BCL11B: variants seen among roughly 807,000 people sequenced by gnomAD.
The protein encoded by BCL11B is B-cell lymphoma/leukemia 11B.
Under a neutral mutation model 49.9 loss-of-function variants are expected in BCL11B, and 8 were observed. That is an observed-to-expected ratio of 0.16 (90% confidence interval 0.09 to 0.29). The LOEUF is 0.29. BCL11B is among the 10% of genes least tolerant of loss of function. BCL11B has a pLI of 1.00. For synonymous variants in BCL11B, 739 were observed against 637.4 expected, an observed-to-expected ratio of 1.16 and a Z score of -2.40; for missense variants, 1,006 against 1,351.0, an observed-to-expected ratio of 0.74 and a Z score of 4.00.
chr14:99,210,419 A>C (rs573416570), intron 3 of BCL11B, among the ~76,000 whole-genome samples: 139 of 152,174 alleles, frequency 9.1e-4, no homozygotes, highest in African/African-American at 3.2e-3. Context: ...CACAGTAAAC[A>C]GGAGGCACAG....
chr14:99,224,329 G>A (rs1426057209), intron 3 of BCL11B, among the ~76,000 whole-genome samples: 1 of 152,116 alleles, frequency 6.6e-6, no homozygotes, highest in East Asian at 1.9e-4. Flanking sequence ...TGGCCTCTCT[G>A]AGCCCCAATA....
chr14:99,194,604 C>T lies in BCL11B; in HGVS notation c.641-18409G>A, dbSNP rs913891946. 3.3e-5 allele frequency among the ~76,000 whole-genome samples: 5 copies of T among 152,210 alleles called. No homozygotes were observed. Among genetic ancestry groups the T allele is most frequent in the African/African-American group, 7.2e-5 (3 of 41,452 alleles). On this transcript the variant is annotated intron_variant, in intron 3 of 3. Coordinates refer to ENST00000357195, the MANE Select transcript of BCL11B (RefSeq NM_138576.4). This position sits in a 1 kb window ranked among gnomAD's most constrained non-coding sequence, Gnocchi z 4.6. ...GCTTAACTTCTCTGAATCTGTCCTT[C>T]GGTGTGAAAGGCCTTGTCTGCAAAA...
intron 3 of BCL11B, among the ~76,000 whole-genome samples, chr14:99,199,680 GTGTGCGCGCGCGCGCGCACGTGCA>G (rs1887298868): frequency 1.8e-5 from 1 of 56,720 alleles, no homozygotes; most frequent in African/African-American, 5.0e-5. Flanking sequence ...GTGTGTGTGT[GTGTGCGCGCGCGCGCGCACGTGCA>G]CGTGTGTGCG....
intron 2 of BCL11B, among the ~76,000 whole-genome samples, chr14:99,237,731 G>A (rs1346437835): frequency 2.6e-5 from 4 of 152,168 alleles, no homozygotes; most frequent in African/African-American, 4.8e-5. Context: ...GAGTTCCTTC[G>A]GGGTCATTAC....
intron 2 of BCL11B, among the ~76,000 whole-genome samples, chr14:99,236,881 T>A (rs1888516403): frequency 6.6e-6 from 1 of 152,180 alleles, no homozygotes; most frequent in South Asian, 2.1e-4. Flanking sequence ...ATAACAGTAT[T>A]AGCTGGTAAA....
intron 3 of BCL11B, among the ~76,000 whole-genome samples, chr14:99,223,909 G>A (rs942643474): frequency 6.6e-6 from 1 of 152,220 alleles, no homozygotes; most frequent in Non-Finnish European, 1.5e-5. Flanking sequence ...CCGAGCAGCA[G>A]CCAATTGATT....
At chr14:99,226,182 C>T (rs1888155916) in intron 3 of BCL11B, among the ~76,000 whole-genome samples, 2 of 152,216 alleles carry the variant, frequency 1.3e-5, no homozygotes, top group Admixed American at 1.3e-4. Flanking sequence ...TAATAACTCC[C>T]CTGAAAGCCC....
At chr14:99,179,902 G>GC (rs1886652001) in intron 3 of BCL11B, among the ~76,000 whole-genome samples, 1 of 152,102 alleles carries the variant, frequency 6.6e-6, no homozygotes, top group Non-Finnish European at 1.5e-5. Flanking sequence ...TTCAGAAATG[G>GC]AACAATGTCA....
rs368885255 is a variant in BCL11B, at chr14:99,231,434, G to A, written c.551C>T (p.Pro184Leu). Residue 184 changes from proline (P) to leucine (L), a missense_variant, in exon 3 of 4, where the codon CCG becomes CTG. This residue lies in a region of BCL11B where 411 missense variants were observed against 542.2 expected (regional missense o/e 0.76). Coordinates refer to ENST00000357195, the MANE Select transcript of BCL11B (RefSeq NM_138576.4). The surrounding 1 kb of genome is among the most constrained non-coding windows in gnomAD (Gnocchi z 8.1). ...LGALPPCLPL[P>L]CCSARPVSGD... The stretch of plus-strand genomic sequence containing the variant: ...CGAGACCGGGCGCGCGCTGCAGCAC[G>A]GCAGGGGGAGGCAGGGCGGGAGAGC... 39 of 1,595,554 alleles carry A rather than the reference G, an allele frequency of 2.4e-5. No homozygotes were observed. The Admixed American group carries it at 3.8e-4, about 15-fold the overall frequency.
Position 99,263,454 on chromosome 14 carries a change from G to C in BCL11B, c.59-5615C>G, listed in dbSNP as rs557896319. On this transcript the variant is annotated intron_variant, in intron 1 of 3. Coordinates refer to ENST00000357195, the MANE Select transcript of BCL11B (RefSeq NM_138576.4). ...TGACTCCGCCAGCAGCGGAAACTTT[G>C]GGCCTGGCCTGCAGGCCAGGAGGTG... Among the ~76,000 whole-genome samples, 13 of 152,328 alleles carry C rather than the reference G, an allele frequency of 8.5e-5. No individual in the cohort carries two copies. The East Asian group carries it at 2.5e-3, about 29-fold the overall frequency.
intron 3 of BCL11B, among the ~76,000 whole-genome samples, chr14:99,187,762 G>A (rs1886898322): frequency 2.0e-5 from 2 of 98,504 alleles, no homozygotes; most frequent in African/African-American, 7.2e-5. Context: ...CTCCCCAGAA[G>A]CACCCCATGC....
At chr14:99,186,093 C>T (rs1178029762) in intron 3 of BCL11B, among the ~76,000 whole-genome samples, 1 of 152,210 alleles carries the variant, frequency 6.6e-6, no homozygotes, top group Non-Finnish European at 1.5e-5. Flanking sequence ...AACATCTAGG[C>T]AGGGTTCAGG....
rs1889199689 is a variant in BCL11B, at chr14:99,257,481, C to T, written c.417G>A (p.Glu139=). ...CGCAGCATCCCATACCTGCAATGTT[C>T]TCCTGCTTGGGACAGATGCCTTTCG... ...SPTKGICPKQ[E]NIAGPCRPAQ... Residue 139 remains glutamate (E), a synonymous_variant, in exon 2 of 4, where the codon GAG becomes GAA. Coordinates refer to ENST00000357195, the MANE Select transcript of BCL11B (RefSeq NM_138576.4). This position sits in a 1 kb window ranked among gnomAD's most constrained non-coding sequence, Gnocchi z 6.2. The T allele has an allele frequency of 2.5e-6, 4 of 1,597,092 alleles. No homozygotes were observed. The highest frequency in any genetic ancestry group is 3.4e-4 in the Middle Eastern group (2 of 5,810).
intron 2 of BCL11B, among the ~76,000 whole-genome samples, chr14:99,252,944 G>T (rs1889050336): frequency 6.6e-6 from 1 of 152,268 alleles, no homozygotes; most frequent in Non-Finnish European, 1.5e-5. Flanking sequence ...AGTGATCATG[G>T]TTTTGACCAA....
At position 99,175,768 on chromosome 14, in the gene BCL11B, GA is replaced by G; in HGVS notation, c.1067del (p.Ile356ThrfsTer37). ...GCGAGAAGTCCATGGCGGGCGAGTCGATGGCCATGGGGTTCAGGCGCATGAC... is the reference window on the plus strand; with the variant it reads ...GCGAGAAGTCCATGGCGGGCGAGTCGTGGCCATGGGGTTCAGGCGCATGAC... Reference protein sequence around the residue: ...DRVMRLNPMAIDSPAMDFSRR... With the variant: ...DRVMRLNPMAXDSPAMDFSRR... On this transcript the variant is annotated frameshift_variant, in exon 4 of 4. Coordinates refer to ENST00000357195, the MANE Select transcript of BCL11B (RefSeq NM_138576.4). LOFTEE classifies it high-confidence loss of function. The G allele has an allele frequency of 6.8e-7, 1 of 1,468,080 alleles. No homozygotes were observed. The highest frequency in any genetic ancestry group is 8.9e-7 in the Non-Finnish European group (1 of 1,123,240). 90.9% of individuals were successfully genotyped at this position (1,468,080 alleles called of 1,614,324 possible). A position where few individuals can be genotyped will look rare whatever the true frequency, so the allele number is the denominator to read the frequency against.
At position 99,231,270 on chromosome 14, in the gene BCL11B, A is replaced by T; in HGVS notation, c.640+75T>A. The T allele has an allele frequency of 6.7e-7, 1 of 1,492,938 alleles. No homozygotes were observed. Among genetic ancestry groups the T allele is most frequent in the East Asian group, 2.4e-5 (1 of 41,224 alleles). 92.5% of individuals were successfully genotyped at this position (1,492,938 alleles called of 1,614,324 possible). A position where few individuals can be genotyped will look rare whatever the true frequency, so the allele number is the denominator to read the frequency against. Reference sequence around the variant, plus strand: ...AGCTGCCCTTCCTCCCTGGGTCCCCACCTTGCTCCAGCGCTGCCCATGGCA... The same window carrying T: ...AGCTGCCCTTCCTCCCTGGGTCCCCTCCTTGCTCCAGCGCTGCCCATGGCA... On this transcript the variant is annotated intron_variant, in intron 3 of 3. Transcript: ENST00000357195. The surrounding 1 kb of genome is among the most constrained non-coding windows in gnomAD (Gnocchi z 8.1).
At position 99,232,405 on chromosome 14, in the gene BCL11B, T is replaced by C. The variant is rs969614576; in HGVS notation, c.428-848A>G. ...AGAGACCACCAGGGCAAAACATTTG[T>C]GTGAAGCCCTTGCCAAAACCACAAG... On this transcript the variant is annotated intron_variant, in intron 2 of 3. Transcript: ENST00000357195. This position sits in a 1 kb window ranked among gnomAD's most constrained non-coding sequence, Gnocchi z 5.1. Among the ~76,000 whole-genome samples, 1 of 152,256 alleles carries C rather than the reference T, an allele frequency of 6.6e-6. No individual in the cohort carries two copies. Among genetic ancestry groups the C allele is most frequent in the Non-Finnish European group, 1.5e-5 (1 of 68,044 alleles).
intron 3 of BCL11B, among the ~76,000 whole-genome samples, chr14:99,217,468 T>G (rs912579377): frequency 6.6e-6 from 1 of 151,292 alleles, no homozygotes; most frequent in East Asian, 2.0e-4. Flanking sequence ...GCAGAGGCAA[T>G]GGGAAAAACC....
Position 99,175,356 on chromosome 14 carries a change from C to T in BCL11B, c.1480G>A (p.Ala494Thr). 1 of 1,566,940 alleles carries T rather than the reference C, an allele frequency of 6.4e-7. No individual in the cohort carries two copies. The highest frequency in any genetic ancestry group is 2.3e-5 in the East Asian group (1 of 42,640). Residue 494 changes from alanine (A) to threonine (T), a missense_variant, in exon 4 of 4, where the codon GCC (alanine) becomes ACC (threonine). By Grantham distance (58) the Ala-to-Thr change is moderately conservative (BLOSUM62 0). Around this residue, in one of 6 missense-constraint regions of BCL11B, gnomAD observed 443 missense variants for 499.7 expected, o/e 0.89. Transcript: ENST00000357195. ...GTGCCGGGCTCGGGGGAGCTGGCGG[C>T]CGAGAGCCCGTCGTCGGAGCGGCCG... is the stretch of plus-strand genomic sequence containing the variant. ...LAGRSDDGLS[A>T]ASSPEPGTSE...
Sources: gnomAD v4.1 joint callset for allele counts (sites outside exome capture counted in the v4.1 genomes callset) on GRCh38, gnomAD v4.1.1 for gene constraint, gnomAD v4.1.1 regional missense constraint, Gnocchi (gnomAD v3.1) non-coding constraint, MANE v1.5 for transcripts, NCBI Gene and HGNC (gene_info 2026-07-23, HGNC 2026-07-21) for gene names.